Variants in HTR4 observed in about 807,000 individuals in gnomAD.
HTR4 encodes the protein 5-hydroxytryptamine (serotonin) receptor 4, G protein-coupled.
A neutral mutation model predicts 36.8 loss-of-function variants in HTR4; 16 were observed. That is an observed-to-expected ratio of 0.43 (90% confidence interval 0.29 to 0.66). The LOEUF is 0.66. HTR4 is among the 30% of genes least tolerant of loss of function. The pLI is 0.13. For missense variants in HTR4, 438 were observed against 490.9 expected, an observed-to-expected ratio of 0.89 and a Z score of 1.02; for synonymous variants, 189 against 185.1, an observed-to-expected ratio of 1.02 and a Z score of -0.17.
chr5:148,521,122 A>G (rs1757993824), intron 5 of HTR4, among the ~76,000 whole-genome samples: 1 of 152,244 alleles, frequency 6.6e-6, no homozygotes, highest in Non-Finnish European at 1.5e-5. Context: ...CAAGTGCCTG[A>G]CAACTTCCTT....
At chr5:148,576,353 G>A (rs1191636871) in intron 2 of HTR4, among the ~76,000 whole-genome samples, 4 of 151,792 alleles carry the variant, frequency 2.6e-5, no homozygotes, top group African/African-American at 4.8e-5. Flanking sequence ...TCCCATGTGC[G>A]TGGATAGAAA....
chr5:148,498,099 C>A (rs1019854871), intron 6 of HTR4, among the ~76,000 whole-genome samples: 4 of 152,112 alleles, frequency 2.6e-5, no homozygotes, highest in African/African-American at 9.7e-5. Flanking sequence ...GAATGTCTTT[C>A]AAAAGCATAT....
intron 2 of HTR4, among the ~76,000 whole-genome samples, chr5:148,603,378 T>G (rs1352367927): frequency 6.6e-6 from 1 of 151,996 alleles, no homozygotes; most frequent in Non-Finnish European, 1.5e-5. Context: ...AGAGGGAAAT[T>G]TTTGTAATCC....
chr5:148,455,505 TAGAAA>T (rs1755080495), intron 5 of HTR4, among the ~76,000 whole-genome samples: 2 of 152,162 alleles, frequency 1.3e-5, no homozygotes, highest in Admixed American at 1.3e-4. Flanking sequence ...CAGGAATAAC[TAGAAA>T]AGAAGTGTGG....
At chr5:148,616,669 T>C (rs1390786203) in intron 2 of HTR4, among the ~76,000 whole-genome samples, 4 of 152,206 alleles carry the variant, frequency 2.6e-5, no homozygotes. Flanking sequence ...AGTATCTGTG[T>C]TCATCTTCAC....
At chr5:148,475,237 C>G (rs1229900749), downstream of HTR4, among the ~76,000 whole-genome samples, 1 of 152,102 alleles carries the variant, frequency 6.6e-6, no homozygotes, top group Non-Finnish European at 1.5e-5. Context: ...TTTAGCAATA[C>G]AGAAACTGAA....
intron 5 of HTR4, among the ~76,000 whole-genome samples, chr5:148,513,381 C>T (rs940389874): frequency 2.6e-5 from 4 of 152,158 alleles, no homozygotes; most frequent in Admixed American, 2.0e-4. Flanking sequence ...ACCCCTGCAG[C>T]ATGTATTGAA....
At chr5:148,644,420 A>C (rs540206868) in intron 1 of HTR4, among the ~76,000 whole-genome samples, 1 of 114,268 alleles carries the variant, frequency 8.8e-6, no homozygotes, top group Admixed American at 9.7e-5. Context: ...TCAAGCTCAC[A>C]AGTTTTTTTT....
chr5:148,526,923 A>T (rs1307005583), intron 4 of HTR4, among the ~76,000 whole-genome samples: 1 of 152,176 alleles, frequency 6.6e-6, no homozygotes, highest in Non-Finnish European at 1.5e-5. Context: ...TGCATACAAA[A>T]ATACAATTAG....
chr5:148,528,271 A>G (rs1293034931), intron 4 of HTR4, among the ~76,000 whole-genome samples: 1 of 152,176 alleles, frequency 6.6e-6, no homozygotes, highest in East Asian at 1.9e-4. Flanking sequence ...CAGCTTCTTC[A>G]ATGTGGTCCT....
chr5:148,639,094 T>C (rs1324694289), intron 1 of HTR4, among the ~76,000 whole-genome samples: 1 of 151,660 alleles, frequency 6.6e-6, no homozygotes, highest in Non-Finnish European at 1.5e-5. Flanking sequence ...AGAAAATTAT[T>C]CCTACTCCTG....
At chr5:148,619,640 C>A (rs1009980561) in intron 2 of HTR4, among the ~76,000 whole-genome samples, 3 of 152,066 alleles carry the variant, frequency 2.0e-5, no homozygotes, top group Admixed American at 2.0e-4. Flanking sequence ...GCCTAGCCAT[C>A]GACACAATGC....
chr5:148,629,518 G>A (rs1483222881), intron 2 of HTR4: 1 of 152,198 alleles, frequency 6.6e-6, no homozygotes, highest in Non-Finnish European at 1.5e-5. Flanking sequence ...TTAGCAGGCT[G>A]TAATTCAAAG....
At chr5:148,617,246 G>T (rs1352486134) in intron 2 of HTR4, among the ~76,000 whole-genome samples, 1 of 152,116 alleles carries the variant, frequency 6.6e-6, no homozygotes, top group Non-Finnish European at 1.5e-5. Flanking sequence ...CCTCTCTCTT[G>T]CTCCTGCTTT....
At chr5:148,528,597 C>T (rs1044734305) in intron 4 of HTR4, among the ~76,000 whole-genome samples, 5 of 152,002 alleles carry the variant, frequency 3.3e-5, no homozygotes, top group Non-Finnish European at 5.9e-5. Context: ...TAGTGTTAAC[C>T]GATGGTGCTT....
chr5:148,646,545 A>G (rs921144777), intron 1 of HTR4, among the ~76,000 whole-genome samples: 7 of 152,212 alleles, frequency 4.6e-5, no homozygotes, highest in African/African-American at 1.4e-4. Flanking sequence ...TTTTTCCTAG[A>G]CTAATAAAAT....
chr5:148,641,415 G>A (rs1753725461), intron 1 of HTR4, among the ~76,000 whole-genome samples: 1 of 152,154 alleles, frequency 6.6e-6, no homozygotes, highest in South Asian at 2.1e-4. Context: ...CCCCTTCGGA[G>A]AAACAGTCCT....
chr5:148,544,700 G>A (rs1202346276), intron 4 of HTR4, among the ~76,000 whole-genome samples: 4 of 152,106 alleles, frequency 2.6e-5, no homozygotes, highest in Non-Finnish European at 4.4e-5. Context: ...TTTTTAAGGA[G>A]GCAATAAATT....
chr5:148,588,071 T>C (rs1403146794), intron 2 of HTR4, among the ~76,000 whole-genome samples: 1 of 152,036 alleles, frequency 6.6e-6, no homozygotes, highest in East Asian at 1.9e-4. Context: ...AGCGGTATGA[T>C]CAAGTGGAAG....
Sources: allele counts gnomAD v4.1 joint callset (sites outside exome capture counted in the v4.1 genomes callset), GRCh38; gene constraint gnomAD v4.1.1; transcripts MANE v1.5; gene names NCBI Gene and HGNC (gene_info 2026-07-23, HGNC 2026-07-21).